OSBPL9: variants seen among roughly 807,000 people sequenced by gnomAD.
OSBPL9 encodes oxysterol binding protein like 9, also known as oxysterol-binding protein-related protein 9.
In OSBPL9, 40 loss-of-function variants were observed where a neutral mutation model predicts 106.6. The observed-to-expected ratio is 0.38, with a 90% CI of 0.29 to 0.49. The LOEUF is 0.49. OSBPL9 is among the 20% of genes least tolerant of loss of function. OSBPL9 has a pLI of 0.97. For synonymous variants in OSBPL9, 269 were observed against 295.4 expected, an observed-to-expected ratio of 0.91 and a Z score of 0.92; for missense variants, 609 against 887.2, an observed-to-expected ratio of 0.69 and a Z score of 3.98.
Position 51,789,202 on chromosome 1 carries a change from C to T in OSBPL9, c.*1413C>T. On this transcript the variant is annotated 3_prime_UTR_variant, in exon 24 of 24. Coordinates refer to ENST00000428468, the MANE Select transcript of OSBPL9 (RefSeq NM_024586.6). Reference sequence around the variant, plus strand: ...ATACAAACAAACACATTTTAAAATACACATTGCTTCAGGCCAACGTGACTG... The same window carrying T: ...ATACAAACAAACACATTTTAAAATATACATTGCTTCAGGCCAACGTGACTG... 2 of 1,571,560 alleles carry T rather than the reference C, an allele frequency of 1.3e-6. No individual in the cohort carries two copies. Among genetic ancestry groups the T allele is most frequent in the Non-Finnish European group, 1.8e-6 (2 of 1,141,624 alleles).
chr1:51,725,732 T>C (rs2148924179), intron 4 of OSBPL9, among the ~76,000 whole-genome samples: 1 of 152,258 alleles, frequency 6.6e-6, no homozygotes, highest in East Asian at 1.9e-4. Flanking sequence ...AGGGGACGCA[T>C]TAGGGGATTT....
At chr1:51,552,883 A>G in the OSBPL9 span, among the ~76,000 whole-genome samples, 2 of 151,978 alleles carry the variant, frequency 1.3e-5, no homozygotes. Flanking sequence ...TCAGCCTCCC[A>G]AAGTGCTGGG....
At chr1:51,615,066 C>G (rs1382932426), upstream of OSBPL9, among the ~76,000 whole-genome samples, 1 of 152,172 alleles carries the variant, frequency 6.6e-6, no homozygotes, top group African/African-American at 2.4e-5. Flanking sequence ...TTGAGACCAG[C>G]CTGGCCAACA....
At chr1:51,735,249 G>T (rs1665409466) in intron 4 of OSBPL9, among the ~76,000 whole-genome samples, 1 of 152,220 alleles carries the variant, frequency 6.6e-6, no homozygotes, top group Non-Finnish European at 1.5e-5. Flanking sequence ...CCACTGGCCG[G>T]TGGGAACCTT....
chr1:51,676,123 G>A (rs1447204151), intron 3 of OSBPL9, among the ~76,000 whole-genome samples: 1 of 152,126 alleles, frequency 6.6e-6, no homozygotes, highest in Non-Finnish European at 1.5e-5. Flanking sequence ...ATATTGTAGA[G>A]ATTTGTCAAC....
At chr1:51,757,229 C>T (rs938849411) in intron 9 of OSBPL9, among the ~76,000 whole-genome samples, 1 of 151,780 alleles carries the variant, frequency 6.6e-6, no homozygotes, top group Non-Finnish European at 1.5e-5. Flanking sequence ...TCTGTGTTTG[C>T]GTATTTCTTA....
intron 4 of OSBPL9, among the ~76,000 whole-genome samples, chr1:51,735,304 T>G (rs1665417348): frequency 1.3e-5 from 2 of 152,220 alleles, no homozygotes; most frequent in South Asian, 4.1e-4. Flanking sequence ...TCTTAATTCC[T>G]GAGTACCTCA....
chr1:51,687,939 T>C (rs1483427153), intron 3 of OSBPL9, among the ~76,000 whole-genome samples: 2 of 152,200 alleles, frequency 1.3e-5, no homozygotes, highest in African/African-American at 2.4e-5. Context: ...CTGCAGAGGC[T>C]CTGGTGAGAG....
chr1:51,723,902 A>T (rs568677114), intron 4 of OSBPL9, among the ~76,000 whole-genome samples: 2 of 152,260 alleles, frequency 1.3e-5, no homozygotes, highest in South Asian at 4.1e-4. Flanking sequence ...TGGTAAATAT[A>T]TCTTTAGTTT....
intron 3 of OSBPL9, among the ~76,000 whole-genome samples, chr1:51,691,089 C>CG (rs1250980445): frequency 3.3e-5 from 5 of 151,998 alleles, no homozygotes; most frequent in African/African-American, 4.8e-5. Context: ...TTACCATGAA[C>CG]GGAGCTTGCA....
At chr1:51,616,027 T>TG (rs1553150113), upstream of OSBPL9, among the ~76,000 whole-genome samples, 31 of 147,414 alleles carry the variant, frequency 2.1e-4, no homozygotes, top group African/African-American at 4.6e-4. Context: ...TTTTTTTTTT[T>TG]TGTGTGAGAG....
In OSBPL9 at chr1:51,788,110, CTGT is replaced by C. The variant is rs1390409222; in HGVS notation, c.*323_*325del. 4.8e-5 allele frequency: 15 copies of C among 311,926 alleles called. No homozygotes were observed. In the East Asian group the frequency reaches 8.9e-4, roughly 19 times the overall value. 19.3% of individuals were successfully genotyped at this position (311,926 alleles called of 1,614,324 possible). A position where few individuals can be genotyped will look rare whatever the true frequency, so the allele number is the denominator to read the frequency against. ...TCTGAAACTCTGCGCTCTAGTACTG[CTGT>C]TAAGATACACAACTTGTTTCTTAGT... is the stretch of plus-strand genomic sequence containing the variant. On this transcript the variant is annotated 3_prime_UTR_variant, in exon 24 of 24. Coordinates refer to ENST00000428468, the MANE Select transcript of OSBPL9 (RefSeq NM_024586.6).
chr1:51,736,443 T>C (rs1003702455), intron 4 of OSBPL9, among the ~76,000 whole-genome samples: 2 of 151,984 alleles, frequency 1.3e-5, no homozygotes, highest in African/African-American at 4.8e-5. Context: ...CTGTTAGTCC[T>C]GACTAGCTAT....
rs1189176013 is a variant in OSBPL9 at position 51,729,094 on chromosome 1, C to T, written c.318+15015C>T. ...AAGTCCAGACTTTTGATATAATCTG[C>T]AGTTTGCGCCATTTGGATTCCTGAA... On this transcript the variant is annotated intron_variant, in intron 4 of 23. Coordinates refer to ENST00000428468, the MANE Select transcript of OSBPL9 (RefSeq NM_024586.6). The surrounding 1 kb of genome is among the most constrained non-coding windows in gnomAD (Gnocchi z 5.1). 1.3e-5 allele frequency among the ~76,000 whole-genome samples: 2 copies of T among 152,198 alleles called. No individual in the cohort carries two copies. Among genetic ancestry groups the T allele is most frequent in the Non-Finnish European group, 2.9e-5 (2 of 68,032 alleles).
At chr1:51,730,172 T>A in intron 4 of OSBPL9, 4 of 1,238,930 alleles carry the variant, frequency 3.2e-6, no homozygotes, top group Non-Finnish European at 4.1e-6. Context: ...TTGGGAGTTC[T>A]CAGTTCCTCA....
intron 3 of OSBPL9, 159 bp downstream of exon 3, chr1:51,669,671 G>A (rs1365693917): frequency 2.8e-6 from 2 of 722,912 alleles, no homozygotes; most frequent in Non-Finnish European, 4.9e-6. Context: ...AGGTTAGGCA[G>A]GGATTTGTAT....
chr1:51,555,262 C>T, the OSBPL9 span, among the ~76,000 whole-genome samples: 12,674 of 151,954 alleles, frequency 0.083, 614 homozygotes, highest in African/African-American at 0.11. Context: ...GAGGCCGAGG[C>T]GGGCGGATCC....
chr1:51,749,554 T>C, intron 7 of OSBPL9: 1 of 409,316 alleles, frequency 2.4e-6, no homozygotes, highest in South Asian at 1.8e-5. Flanking sequence ...CAAGCGATCC[T>C]CCTTCCTTGG....
rs181569872 is a variant in OSBPL9, at chr1:51,780,175, C to A, written c.1257-989C>A. Among the ~76,000 whole-genome samples, 3 of 149,686 alleles carry A rather than the reference C, an allele frequency of 2.0e-5. No individual in the cohort carries two copies. The East Asian group carries it at 5.9e-4, about 29-fold the overall frequency. ...AATCAAAACCACAATGCAATAATAC[C>A]ACCTTACTCCTGCAAGAATGGCCAT... On this transcript the variant is annotated intron_variant, in intron 15 of 23. Transcript: ENST00000428468.
Sources: allele counts gnomAD v4.1 joint callset (sites outside exome capture counted in the v4.1 genomes callset), GRCh38; gene constraint gnomAD v4.1.1; non-coding constraint Gnocchi (gnomAD v3.1); transcripts MANE v1.5; gene names NCBI Gene and HGNC (gene_info 2026-07-23, HGNC 2026-07-21).